The following NLGN4X variants were observed in gnomAD, a reference collection of about 807,000 sequenced individuals.
NLGN4X encodes the protein neuroligin-4, X-linked.
In NLGN4X, 3 loss-of-function variants were observed where a neutral mutation model predicts 40.3. The observed-to-expected ratio is 0.07, with a 90% CI of 0.03 to 0.19. The LOEUF (loss-of-function observed/expected upper bound fraction) is 0.19. NLGN4X is among the 10% of genes least tolerant of loss of function. The pLI is 1.00. For synonymous variants in NLGN4X, 270 were observed against 306.8 expected (o/e 0.88, Z 1.25); for missense variants, 382 against 708.3 (o/e 0.54, Z 5.23).
intron 3 of NLGN4X, among the ~76,000 whole-genome samples, chrX:5,961,497 T>A (rs1049252097): frequency 8.9e-6 from 1 of 112,114 alleles, no homozygotes; most frequent in Non-Finnish European, 1.9e-5. Flanking sequence ...ACAGAAAACC[T>A]TGCACAGGTT....
intron 2 of NLGN4X, among the ~76,000 whole-genome samples, chrX:6,074,471 G>A (rs2038145376): frequency 9.0e-6 from 1 of 111,659 alleles, no homozygotes; most frequent in Admixed American, 9.5e-5. Context: ...TGTAAGCAAT[G>A]TGGCCAAGAA....
chrX:6,039,145 G>A (rs774850993), intron 2 of NLGN4X, among the ~76,000 whole-genome samples: 4 of 111,109 alleles, frequency 3.6e-5, no homozygotes, highest in Non-Finnish European at 5.7e-5. Context: ...CTTTAAGATT[G>A]CATTTTTTCA....
chrX:6,180,055 A>ACCATGTTTTG (rs201823865), intron 1 of NLGN4X, among the ~76,000 whole-genome samples: 2,622 of 112,084 alleles, frequency 0.023, 76 homozygotes, highest in African/African-American at 0.078. Flanking sequence ...TAGTACATTT[A>ACCATGTTTTG]CCATAGAAAA....
At chrX:6,124,964 T>C (rs1340323730) in intron 2 of NLGN4X, among the ~76,000 whole-genome samples, 2 of 111,783 alleles carry the variant, frequency 1.8e-5, no homozygotes, top group Admixed American at 9.5e-5. Context: ...TAGAAATCAA[T>C]AGTAAAAAGC....
intron 2 of NLGN4X, among the ~76,000 whole-genome samples, chrX:6,134,161 C>T (rs867782421): frequency 1.8e-5 from 2 of 111,552 alleles, no homozygotes; most frequent in Non-Finnish European, 3.8e-5. Context: ...CTCTCTAGCT[C>T]GACTGATGAC....
chrX:5,932,656 T>C (rs928870276), intron 3 of NLGN4X, among the ~76,000 whole-genome samples: 1 of 110,939 alleles, frequency 9.0e-6, no homozygotes, highest in Admixed American at 9.7e-5. Flanking sequence ...ATAGTTAAGA[T>C]AAATCATAGA....
intron 3 of NLGN4X, among the ~76,000 whole-genome samples, chrX:5,980,674 AC>A (rs1457121727): frequency 1.8e-5 from 2 of 109,869 alleles, no homozygotes; most frequent in Non-Finnish European, 3.8e-5. Context: ...GCATAGAATT[AC>A]CTTTGAATCT....
chrX:5,895,679 G>A (rs969782008), intron 5 of NLGN4X, among the ~76,000 whole-genome samples: 1 of 110,763 alleles, frequency 9.0e-6, no homozygotes, highest in African/African-American at 3.3e-5. Context: ...AAAGAAAGTT[G>A]ACCTCTACCC....
intron 2 of NLGN4X, among the ~76,000 whole-genome samples, chrX:6,131,332 C>A (rs2039677838): frequency 9.0e-6 from 1 of 111,711 alleles, no homozygotes; most frequent in African/African-American, 3.3e-5. Flanking sequence ...TAAACTAATC[C>A]AATGGTCAGC....
chrX:6,138,589 C>T (rs770753396), intron 2 of NLGN4X, among the ~76,000 whole-genome samples: 9 of 111,546 alleles, frequency 8.1e-5, no homozygotes, highest in Non-Finnish European at 1.5e-4. Flanking sequence ...ATTCTTTTAT[C>T]TCAAAAATGC....
At chrX:5,927,149 T>C (rs1052567914) in intron 3 of NLGN4X, among the ~76,000 whole-genome samples, 2 of 111,903 alleles carry the variant, frequency 1.8e-5, no homozygotes, top group African/African-American at 3.2e-5. Flanking sequence ...TGCAGATATA[T>C]TGTTTTGGCA....
intron 2 of NLGN4X, among the ~76,000 whole-genome samples, chrX:6,073,664 C>T (rs1362055946): frequency 2.7e-5 from 3 of 110,795 alleles, no homozygotes; most frequent in Admixed American, 9.7e-5. Context: ...GCCCAGGACA[C>T]ATTTATTAGA....
intron 3 of NLGN4X, among the ~76,000 whole-genome samples, chrX:5,956,965 C>G (rs954583835): frequency 7.5e-5 from 8 of 106,681 alleles, no homozygotes; most frequent in African/African-American, 2.7e-4. Flanking sequence ...TGTGTGGTGT[C>G]TGTGTGTGTG....
intron 1 of NLGN4X, among the ~76,000 whole-genome samples, chrX:6,210,620 A>T (rs111566920): frequency 3.6e-5 from 4 of 112,316 alleles, no homozygotes; most frequent in African/African-American, 1.3e-4. Context: ...GGAGTTAGTA[A>T]CTTAAGACTG....
Position 6,227,966 on chromosome X carries a change from G to A in NLGN4X, c.-306+575C>T, listed in dbSNP as rs182966381. On this transcript the variant is annotated intron_variant, in intron 1 of 5. Transcript: ENST00000381095. ...AGTTTTCTTAAAGAATAAGGGGGGG[G>A]GGTGGGGGGGGAGAGAAAAAGAAAA... The A allele has an allele frequency of 3.7e-3, 420 of 112,429 alleles. 15 individuals carry two copies. In the East Asian group the frequency reaches 0.1, roughly 27 times the overall value. The allele number at this position is 112,429 out of a possible 1,213,427, so 9.3% of individuals were successfully genotyped here. A position where few individuals can be genotyped will look rare whatever the true frequency, so the allele number is the denominator to read the frequency against.
At chrX:6,162,846 TCA>T (rs1248633639) in intron 1 of NLGN4X, among the ~76,000 whole-genome samples, 1 of 111,832 alleles carries the variant, frequency 8.9e-6, no homozygotes, top group African/African-American at 3.2e-5. Context: ...ACACCTATAT[TCA>T]CACACCTTAC....
chrX:6,142,073 C>T (rs773213535), intron 2 of NLGN4X, among the ~76,000 whole-genome samples: 1 of 111,255 alleles, frequency 9.0e-6, no homozygotes. Context: ...ATGATATGCA[C>T]TATGTGAAAA....
chrX:6,038,303 G>A (rs1193224638), intron 2 of NLGN4X, among the ~76,000 whole-genome samples: 1 of 112,080 alleles, frequency 8.9e-6, no homozygotes, highest in Non-Finnish European at 1.9e-5. Context: ...TGGAGGCTGA[G>A]GGCACAGAAA....
At chrX:6,226,758 G>C (rs2147924752) in intron 1 of NLGN4X, 1 of 118,640 alleles carries the variant, frequency 8.4e-6, no homozygotes, top group Non-Finnish European at 1.7e-5. Context: ...TGGAAAACCA[G>C]AGGCGGAGGG....
Sources: gnomAD v4.1 joint callset for allele counts (sites outside exome capture counted in the v4.1 genomes callset) on GRCh38, gnomAD v4.1.1 for gene constraint, MANE v1.5 for transcripts, NCBI Gene and HGNC (gene_info 2026-07-23, HGNC 2026-07-21) for gene names.